The following SPTLC3 variants were observed in gnomAD, a reference collection of about 807,000 sequenced individuals.
SPTLC3 encodes the protein serine palmitoyltransferase 3.
In SPTLC3, 36 loss-of-function variants were observed where a neutral mutation model predicts 59.3. The observed-to-expected ratio is 0.61, with a 90% CI of 0.47 to 0.80. The LOEUF (loss-of-function observed/expected upper bound fraction) is 0.80. SPTLC3 is among the 30% of genes least tolerant of loss of function. The probability of loss-of-function intolerance (pLI) is 0.00; values close to 1 mark genes in which losing one functional copy is unlikely to be tolerated. For synonymous variants in SPTLC3, 257 were observed against 240.8 expected (o/e 1.07, Z -0.62); for missense variants, 625 against 685.1 (o/e 0.91, Z 0.98).
intron 9 of SPTLC3, among the ~76,000 whole-genome samples, chr20:13,143,161 G>A (rs139398109): frequency 1.5e-4 from 23 of 152,100 alleles, no homozygotes; most frequent in African/African-American, 5.3e-4. Flanking sequence ...ACATGTCTTG[G>A]GCACCAAAAA....
At chr20:13,070,123 T>C (rs1282350045) in intron 2 of SPTLC3, among the ~76,000 whole-genome samples, 9 of 152,114 alleles carry the variant, frequency 5.9e-5, no homozygotes, top group African/African-American at 1.9e-4. Context: ...TATGTCTCTT[T>C]CCCTGTGAGA....
At chr20:13,015,394 C>G (rs1985475947) in intron 1 of SPTLC3, among the ~76,000 whole-genome samples, 1 of 152,036 alleles carries the variant, frequency 6.6e-6, no homozygotes. Context: ...GTAAAAACTC[C>G]TTTACAATAG....
At chr20:13,047,440 G>C (rs1036339743) in intron 1 of SPTLC3, among the ~76,000 whole-genome samples, 2 of 152,076 alleles carry the variant, frequency 1.3e-5, no homozygotes, top group Non-Finnish European at 2.9e-5. Context: ...TATTAGTAGA[G>C]ATCTGACAAT....
intron 5 of SPTLC3, among the ~76,000 whole-genome samples, chr20:13,092,497 G>A (rs1306308342): frequency 6.6e-6 from 1 of 152,108 alleles, no homozygotes; most frequent in Non-Finnish European, 1.5e-5. Context: ...TAGAAAAGTT[G>A]GGGAAATTTA....
At chr20:13,065,284 A>C (rs1438228943) in intron 2 of SPTLC3, among the ~76,000 whole-genome samples, 1 of 104,294 alleles carries the variant, frequency 9.6e-6, no homozygotes, top group South Asian at 2.9e-4. Flanking sequence ...TTTTTTTTCT[A>C]AAGTGTTTCT....
chr20:13,147,895 G>A (rs1376313960), intron 9 of SPTLC3, among the ~76,000 whole-genome samples: 7 of 152,076 alleles, frequency 4.6e-5, no homozygotes, highest in Admixed American at 4.6e-4. Flanking sequence ...ATGGTATCTG[G>A]GCATATTCAT....
intron 11 of SPTLC3, among the ~76,000 whole-genome samples, chr20:13,162,229 AG>A (rs1311798481): frequency 4.6e-5 from 7 of 152,228 alleles, no homozygotes; most frequent in African/African-American, 1.7e-4. Flanking sequence ...GACCTTGCAC[AG>A]AAGGGAGAGA....
intron 6 of SPTLC3, among the ~76,000 whole-genome samples, chr20:13,101,429 C>G (rs1989597250): frequency 6.6e-6 from 1 of 152,178 alleles, no homozygotes; most frequent in Non-Finnish European, 1.5e-5. Context: ...GAGCCCTATC[C>G]TGTTAGTAGC....
intron 6 of SPTLC3, among the ~76,000 whole-genome samples, chr20:13,106,082 G>T (rs926440931): frequency 6.6e-6 from 1 of 152,218 alleles, no homozygotes; most frequent in East Asian, 1.9e-4. Flanking sequence ...TCTTGGGAAC[G>T]TTCAAAAAAT....
At chr20:13,011,812 A>G (rs1394455259) in intron 1 of SPTLC3, among the ~76,000 whole-genome samples, 1 of 150,632 alleles carries the variant, frequency 6.6e-6, no homozygotes, top group African/African-American at 2.4e-5. Context: ...AAGTCCATTT[A>G]TTTGTTTATT....
intron 1 of SPTLC3, among the ~76,000 whole-genome samples, chr20:13,039,596 A>T (rs1448618702): frequency 1.3e-5 from 2 of 152,038 alleles, no homozygotes; most frequent in African/African-American, 4.8e-5. Flanking sequence ...GGGTCATTTC[A>T]TCCATTCACA....
chr20:13,011,562 G>A (rs935974081), intron 1 of SPTLC3, among the ~76,000 whole-genome samples: 20 of 152,088 alleles, frequency 1.3e-4, no homozygotes, highest in Admixed American at 8.5e-4. Context: ...ACTATTAGGC[G>A]GTGCTCATGA....
chr20:13,009,243 T>C lies in SPTLC3; in HGVS notation c.-25T>C, dbSNP rs759366753. ...GCAGAGACCTCTGAAGGAAAACCTG[T>C]CCCGGGCTCTGTCACTTCACACCCA... On this transcript the variant is annotated 5_prime_UTR_variant, in exon 1 of 12. Coordinates refer to ENST00000399002, the MANE Select transcript of SPTLC3 (RefSeq NM_018327.4). The C allele has an allele frequency of 1.2e-6, 2 of 1,603,294 alleles. No individual in the cohort carries two copies. Among genetic ancestry groups the C allele is most frequent in the Admixed American group, 3.3e-5 (2 of 59,918 alleles).
chr20:13,012,837 G>A (rs1248981035), intron 1 of SPTLC3, among the ~76,000 whole-genome samples: 3 of 152,186 alleles, frequency 2.0e-5, no homozygotes, highest in African/African-American at 7.2e-5. Context: ...GAAATCACAA[G>A]TTGGGGTGGT....
intron 5 of SPTLC3, 143 bp from the exon 6 acceptor site, chr20:13,093,341 C>T (rs41280326): frequency 0.021 from 13,704 of 641,586 alleles, 222 homozygotes; most frequent in Non-Finnish European, 0.026. Flanking sequence ...ACATAGACAC[C>T]AGGTTAAACT....
In SPTLC3 at chr20:13,167,606, T is replaced by A. The variant is rs1156655474; in HGVS notation, c.*2739T>A. On this transcript the variant is annotated 3_prime_UTR_variant, in exon 12 of 12. Coordinates refer to ENST00000399002, the MANE Select transcript of SPTLC3 (RefSeq NM_018327.4). The stretch of plus-strand genomic sequence containing the variant: ...TTCCAGATGATATTTGTAAGGAGGC[T>A]ATCTCTGTATAATAAGGAAATGGCA... The A allele has an allele frequency of 6.6e-6, 1 of 152,220 alleles. No individual in the cohort carries two copies. Among genetic ancestry groups the A allele is most frequent in the Non-Finnish European group, 1.5e-5 (1 of 68,038 alleles). 9.4% of individuals were successfully genotyped at this position (152,220 alleles called of 1,614,324 possible). A position where few individuals can be genotyped will look rare whatever the true frequency, so the allele number is the denominator to read the frequency against.
intron 1 of SPTLC3, among the ~76,000 whole-genome samples, chr20:13,035,210 A>AC (rs1408571088): frequency 2.6e-5 from 4 of 152,152 alleles, no homozygotes; most frequent in Non-Finnish European, 5.9e-5. Flanking sequence ...TGGACACTCA[A>AC]TGAGACTTGG....
chr20:13,102,518 C>T (rs966999810), intron 6 of SPTLC3, among the ~76,000 whole-genome samples: 5 of 152,098 alleles, frequency 3.3e-5, no homozygotes, highest in Non-Finnish European at 7.4e-5. Flanking sequence ...TGACACGCTA[C>T]CTCCTTTCCT....
chr20:13,117,759 C>A (rs374686713), intron 8 of SPTLC3, 34 bp downstream of exon 8: 107 of 1,565,756 alleles, frequency 6.8e-5, no homozygotes, highest in Non-Finnish European at 8.5e-5. Flanking sequence ...TGTTTAAAAC[C>A]TGAGCGCCCT....
Sources: gnomAD v4.1 joint callset for allele counts (sites outside exome capture counted in the v4.1 genomes callset) on GRCh38, gnomAD v4.1.1 for gene constraint, MANE v1.5 for transcripts, NCBI Gene and HGNC (gene_info 2026-07-23, HGNC 2026-07-21) for gene names.